The following TEX11 variants were observed in gnomAD, a reference collection of about 807,000 sequenced individuals.
The protein encoded by TEX11 is testis expressed 11, also known as testis-expressed protein 11.
Under a neutral mutation model 84.4 loss-of-function variants are expected in TEX11, and 7 were observed. The ratio of observed to expected loss-of-function variants is 0.08; its 90% CI spans 0.05 to 0.16. TEX11 has a LOEUF of 0.16. Ranked by LOEUF, TEX11 falls within the 10% of genes least tolerant of loss-of-function variation. The probability of loss-of-function intolerance (pLI) is 1.00; values close to 1 mark genes in which losing one functional copy is unlikely to be tolerated. For synonymous variants in TEX11, 264 were observed against 222.8 expected, an observed-to-expected ratio of 1.18 and a Z score of -1.64; for missense variants, 551 against 660.5, an observed-to-expected ratio of 0.83 and a Z score of 1.82.
At chrX:70,619,400 G>A (rs2089356142) in intron 20 of TEX11, among the ~76,000 whole-genome samples, 1 of 111,604 alleles carries the variant, frequency 9.0e-6, no homozygotes, top group South Asian at 3.8e-4. Flanking sequence ...ATAAATGGGA[G>A]TGGACTGAGG....
chrX:70,747,702 A>C (rs779645746), intron 9 of TEX11, among the ~76,000 whole-genome samples: 1 of 111,670 alleles, frequency 9.0e-6, no homozygotes, highest in African/African-American at 3.2e-5. Flanking sequence ...GTCTGATAAC[A>C]ATGACTCATC....
At chrX:70,557,094 T>C (rs2088296704) in intron 25 of TEX11, among the ~76,000 whole-genome samples, 1 of 110,088 alleles carries the variant, frequency 9.1e-6, no homozygotes, top group Non-Finnish European at 1.9e-5. Flanking sequence ...TCTATTTTTA[T>C]ATAGCAGCAA....
chrX:70,734,384 A>G (rs149116056), intron 11 of TEX11, among the ~76,000 whole-genome samples: 63 of 111,595 alleles, frequency 5.6e-4, no homozygotes, highest in African/African-American at 2.0e-3. Flanking sequence ...TTGCCTAGCA[A>G]ATTGTATGTG....
chrX:70,773,099 C>A (rs1002894810), intron 9 of TEX11, among the ~76,000 whole-genome samples: 1 of 110,879 alleles, frequency 9.0e-6, no homozygotes, highest in African/African-American at 3.3e-5. Context: ...GGTCAGACAG[C>A]TTAGTTAAAT....
intron 9 of TEX11, among the ~76,000 whole-genome samples, chrX:70,785,254 G>A (rs1055011414): frequency 3.6e-5 from 4 of 111,959 alleles, no homozygotes; most frequent in African/African-American, 9.7e-5. Flanking sequence ...AAATAGTGCT[G>A]GGAAAACTGG....
intron 13 of TEX11, among the ~76,000 whole-genome samples, chrX:70,706,008 CAT>C: frequency 9.0e-6 from 1 of 111,251 alleles, no homozygotes; most frequent in East Asian, 2.8e-4. Flanking sequence ...CACATGCACA[CAT>C]ATGTTTATTG....
intron 13 of TEX11, among the ~76,000 whole-genome samples, chrX:70,722,371 A>G (rs1332819962): frequency 8.9e-6 from 1 of 112,111 alleles, no homozygotes; most frequent in Non-Finnish European, 1.9e-5. Flanking sequence ...TGCTGGGCTC[A>G]AGTGATCCTC....
intron 13 of TEX11, among the ~76,000 whole-genome samples, chrX:70,694,101 G>A (rs1488506224): frequency 9.0e-6 from 1 of 110,960 alleles, no homozygotes; most frequent in African/African-American, 3.3e-5. Context: ...CTGGAGTGCA[G>A]TGGTGCGATC....
chrX:70,599,211 A>T (rs1473256231), intron 24 of TEX11, among the ~76,000 whole-genome samples: 1 of 111,805 alleles, frequency 8.9e-6, no homozygotes, highest in Admixed American at 9.4e-5. Flanking sequence ...TAAAATAAAG[A>T]AATATTTTTC....
intron 17 of TEX11, among the ~76,000 whole-genome samples, chrX:70,639,038 G>A (rs1049332864): frequency 3.2e-4 from 35 of 110,194 alleles, no homozygotes; most frequent in Admixed American, 4.8e-4. Context: ...GACAGTGGGC[G>A]CAGGTCAGTG....
chrX:70,638,644 G>A (rs1053100504), intron 17 of TEX11, among the ~76,000 whole-genome samples: 15 of 109,043 alleles, frequency 1.4e-4, no homozygotes, highest in African/African-American at 4.0e-4. Flanking sequence ...TACTAAAAAT[G>A]CAAAAAATTA....
intron 25 of TEX11, among the ~76,000 whole-genome samples, chrX:70,572,443 C>T (rs746707205): frequency 1.1e-4 from 12 of 111,415 alleles, no homozygotes; most frequent in South Asian, 3.8e-4. Context: ...GTCAGTGTGG[C>T]GATTCCTCAG....
At chrX:70,679,768 C>G (rs918031817) in intron 14 of TEX11, among the ~76,000 whole-genome samples, 2 of 104,681 alleles carry the variant, frequency 1.9e-5, no homozygotes, top group East Asian at 3.2e-4. Context: ...GCCGCCCGTC[C>G]GGGAGGGAGG....
At chrX:70,757,340 GA>G (rs1430302055) in intron 9 of TEX11, among the ~76,000 whole-genome samples, 1 of 111,374 alleles carries the variant, frequency 9.0e-6, no homozygotes, top group African/African-American at 3.3e-5. Context: ...AGGTTGAAAT[GA>G]AGGAAAAAAA....
downstream of TEX11, among the ~76,000 whole-genome samples, chrX:70,527,236 C>T (rs1254379598): frequency 2.7e-5 from 3 of 111,991 alleles, no homozygotes; most frequent in Non-Finnish European, 5.6e-5. Flanking sequence ...CACCAAGTAC[C>T]TCATAATTAA....
chrX:70,532,486 A>G (rs752253706), intron 28 of TEX11, among the ~76,000 whole-genome samples: 5 of 112,714 alleles, frequency 4.4e-5, no homozygotes, highest in South Asian at 7.4e-4. Flanking sequence ...CTGTAATCCC[A>G]GCACTTTGGG....
intron 9 of TEX11, among the ~76,000 whole-genome samples, chrX:70,778,752 A>C (rs2091017873): frequency 9.0e-6 from 1 of 111,368 alleles, no homozygotes. Flanking sequence ...AGCTTTTAAA[A>C]TTTTGAAATT....
rs186188950 is a variant in TEX11 at position 70,585,495 on chromosome X, G to T, written c.2140+6256C>A. 1.2e-4 allele frequency among the ~76,000 whole-genome samples: 13 copies of T among 111,975 alleles called. No homozygotes were observed. In the East Asian group the frequency reaches 3.7e-3, roughly 31 times the overall value. ...TCCACCAGCCTCTTTTTACAGAAAT[G>T]AAAAAGTCAATTCTCAAATTTATAT... is the stretch of plus-strand genomic sequence containing the variant. On this transcript the variant is annotated intron_variant, in intron 25 of 29. Transcript: ENST00000374333.
chrX:70,877,866 G>A (rs2147871403), intron 3 of TEX11, among the ~76,000 whole-genome samples: 1 of 111,775 alleles, frequency 8.9e-6, no homozygotes, highest in South Asian at 3.7e-4. Flanking sequence ...TGGTTGACAA[G>A]CTGATCCCAA....
Sources: allele counts gnomAD v4.1 joint callset (sites outside exome capture counted in the v4.1 genomes callset), GRCh38; gene constraint gnomAD v4.1.1; transcripts MANE v1.5; gene names NCBI Gene and HGNC (gene_info 2026-07-23, HGNC 2026-07-21).